WRAP53: variants seen among roughly 807,000 people sequenced by gnomAD.
The protein encoded by WRAP53 is WD repeat containing antisense to TP53, also known as telomerase Cajal body protein 1.
Under a neutral mutation model 56.6 loss-of-function variants are expected in WRAP53, and 28 were observed. The observed-to-expected ratio is 0.50, with a 90% CI of 0.37 to 0.68. The LOEUF is 0.68. Ranked by LOEUF, WRAP53 falls within the 30% of genes least tolerant of loss-of-function variation. The pLI, the probability that WRAP53 is intolerant of heterozygous loss-of-function variation, is 0.00. For synonymous variants in WRAP53, 283 were observed against 283.4 expected (o/e 1.00, Z 0.01); for missense variants, 671 against 715.5 (o/e 0.94, Z 0.71).
intron 4 of WRAP53, among the ~76,000 whole-genome samples, chr17:7,699,514 A>ATTTT (rs1157771198): frequency 4.0e-5 from 1 of 25,264 alleles, no homozygotes; most frequent in Non-Finnish European, 6.4e-5. Context: ...ATATATATAT[A>ATTTT]TATATATTTA....
chr17:7,689,385 G>C, intron 3 of WRAP53, 63 bp downstream of exon 3: 3 of 1,551,500 alleles, frequency 1.9e-6, no homozygotes, highest in South Asian at 1.1e-5. Context: ...AAACAGTCCA[G>C]TTTTCTAGGA....
Position 7,688,554 on chromosome 17 carries a change from A to C in WRAP53, c.-9A>C. The C allele has an allele frequency of 1.5e-6, 2 of 1,367,270 alleles. No individual in the cohort carries two copies. The highest frequency in any genetic ancestry group is 2.5e-5 in the South Asian group (2 of 79,746). 84.7% of individuals were successfully genotyped at this position (1,367,270 alleles called of 1,614,324 possible). A position where few individuals can be genotyped will look rare whatever the true frequency, so the allele number is the denominator to read the frequency against. On this transcript the variant is annotated 5_prime_UTR_variant, in exon 1 of 11. Coordinates refer to ENST00000396463, the MANE Select transcript of WRAP53 (RefSeq NM_001143992.2). ...TCTGCCTACTCCCAGAAGAGGAGGG[A>C]AGCACAGGTGGGTTTCTTTAGCTCT...
Position 7,702,929 on chromosome 17 carries a change from G to A in WRAP53, c.1269-64G>A. The A allele has an allele frequency of 6.2e-7, 1 of 1,612,788 alleles. No individual in the cohort carries two copies. Among genetic ancestry groups the A allele is most frequent in the Non-Finnish European group, 8.5e-7 (1 of 1,179,968 alleles). On this transcript the variant is annotated intron_variant, in intron 9 of 10. Transcript: ENST00000396463. This position sits in a 1 kb window ranked among gnomAD's most constrained non-coding sequence, Gnocchi z 5.0. ...CCCAGCTGTAGGGTCCCAGTCCCTG[G>A]GTGTGAGGGGTTCCTGCCCCAGGGG... is the stretch of plus-strand genomic sequence containing the variant.
intron 4 of WRAP53, among the ~76,000 whole-genome samples, chr17:7,699,526 A>ATATATATATATATT (rs2074246612): frequency 1.6e-5 from 1 of 61,966 alleles, no homozygotes; most frequent in Non-Finnish European, 3.0e-5. Flanking sequence ...ATATATTTAT[A>ATATATATATATATT]TATATATATA....
chr17:7,689,095 A>G lies in WRAP53; in HGVS notation c.431+16A>G. On this transcript the variant is annotated intron_variant, in intron 2 of 10. Coordinates refer to ENST00000396463, the MANE Select transcript of WRAP53 (RefSeq NM_001143992.2). ...AGGGAGACACGTAAGTGGTGATGGCAGTGGAGTGTGGAGTCTGGGGAGATG... is the reference window on the plus strand; with the variant it reads ...AGGGAGACACGTAAGTGGTGATGGCGGTGGAGTGTGGAGTCTGGGGAGATG... The G allele has an allele frequency of 6.2e-7, 1 of 1,614,118 alleles. No homozygotes were observed. The highest frequency in any genetic ancestry group is 1.1e-5 in the South Asian group (1 of 91,084).
chr17:7,688,931 G>A lies in WRAP53; in HGVS notation c.283G>A (p.Glu95Lys), dbSNP rs749106865. The change falls in exon 2 of 11, where the codon GAG (glutamate) becomes AAG (lysine). Residue 95 changes from glutamate (E) to lysine (K), a missense_variant. Glu to Lys is a moderately conservative substitution (Grantham distance 56, BLOSUM62 1). Around this residue, in one of 3 missense-constraint regions of WRAP53, gnomAD observed 406 missense variants for 418.5 expected, o/e 0.97. Coordinates refer to ENST00000396463, the MANE Select transcript of WRAP53 (RefSeq NM_001143992.2). Reference protein sequence around the residue: ...SPSELSPRIEEQELSENTSLP... With the variant: ...SPSELSPRIEKQELSENTSLP... ...TAGTGAGTTGAGTCCTCGAATCGAG[G>A]AGCAAGAACTTTCTGAAAATACAAG... 6.8e-6 allele frequency: 11 copies of A among 1,614,054 alleles called. No individual in the cohort carries two copies. The highest frequency in any genetic ancestry group is 1.3e-5 in the African/African-American group (1 of 74,914).
intron 4 of WRAP53, 117 bp from the exon 5 acceptor site, chr17:7,700,624 T>C (rs753269419): frequency 1.2e-5 from 9 of 774,104 alleles, no homozygotes; most frequent in Non-Finnish European, 1.9e-5. Context: ...CCCTTGAACA[T>C]TGAGACAGAG....
chr17:7,689,428 G>C, intron 3 of WRAP53, 106 bp downstream of exon 3: 1 of 1,322,298 alleles, frequency 7.6e-7, no homozygotes, highest in Non-Finnish European at 1.1e-6. Flanking sequence ...GAAGCGGCAC[G>C]TAGCCCTTTT....
In WRAP53 at chr17:7,689,338, G is replaced by T. The variant is rs764697968; in HGVS notation, c.530+16G>T. 4 of 1,612,566 alleles carry T rather than the reference G, an allele frequency of 2.5e-6. No homozygotes were observed. The highest frequency in any genetic ancestry group is 2.2e-5 in the South Asian group (2 of 91,010). ...GCTGTAAGTGGTAAGGATAACAACGGGGCAGGGAGCTGACCACCCCCGAGA... is the reference window on the plus strand; with the variant it reads ...GCTGTAAGTGGTAAGGATAACAACGTGGCAGGGAGCTGACCACCCCCGAGA... On this transcript the variant is annotated intron_variant, in intron 3 of 10. Transcript: ENST00000396463.
Position 7,701,517 on chromosome 17 carries a change from C to T in WRAP53, c.790C>T (p.Leu264Phe). 1 of 1,614,266 alleles carries T rather than the reference C, an allele frequency of 6.2e-7. No homozygotes were observed. The highest frequency in any genetic ancestry group is 8.5e-7 in the Non-Finnish European group (1 of 1,180,056). Residue 264 changes from leucine (L) to phenylalanine (F), a missense_variant, in exon 6 of 11, where the codon CTC becomes TTC. Around this residue, in one of 3 missense-constraint regions of WRAP53, gnomAD observed 406 missense variants for 418.5 expected, o/e 0.97. Coordinates refer to ENST00000396463, the MANE Select transcript of WRAP53 (RefSeq NM_001143992.2). The surrounding 1 kb of genome is among the most constrained non-coding windows in gnomAD (Gnocchi z 4.2). ...TATCTGGGACGCATTCACTGGAGAG[C>T]TCCGGGCTTCCTTTCGCGCCTACAA... ...IHIWDAFTGE[L>F]RASFRAYNHL...
intron 4 of WRAP53, among the ~76,000 whole-genome samples, chr17:7,690,146 G>A (rs535863541): frequency 5.3e-5 from 8 of 152,156 alleles, no homozygotes; most frequent in African/African-American, 4.8e-5. Flanking sequence ...ACGGGGTTTC[G>A]CCATGTTGGG....
rs564655517 is a variant in WRAP53, at chr17:7,697,039, G to A, written c.643-3702G>A. On this transcript the variant is annotated intron_variant, in intron 4 of 10. Transcript: ENST00000396463. ...TCTCACAAATCAGTAAGAAAAAGAC[G>A]GCTGGGCATGGTGGCTCATGCCTGT... Among the ~76,000 whole-genome samples the A allele has an allele frequency of 2.3e-4, 35 of 152,252 alleles. 1 individual carries two copies. The Middle Eastern group carries it at 0.01, about 44-fold the overall frequency.
chr17:7,699,146 G>A (rs1330732717), intron 4 of WRAP53, among the ~76,000 whole-genome samples: 4 of 151,204 alleles, frequency 2.6e-5, no homozygotes, highest in Admixed American at 6.6e-5. Flanking sequence ...TAGGCTGGGC[G>A]CAGTGGCTCA....
At chr17:7,687,695 A>G, upstream of WRAP53, 1 of 397,986 alleles carries the variant, frequency 2.5e-6, no homozygotes, top group Non-Finnish European at 4.4e-6. Context: ...TGCCGTAGAT[A>G]CTAACATTTT....
chr17:7,698,229 AC>A (rs749563286), intron 4 of WRAP53, among the ~76,000 whole-genome samples: 1 of 152,166 alleles, frequency 6.6e-6, no homozygotes, highest in African/African-American at 2.4e-5. Context: ...CTGTAGAGAA[AC>A]CCTTCTACAT....
Position 7,702,310 on chromosome 17 carries a change from G to T in WRAP53, c.956-34G>T, listed in dbSNP as rs1555530867. 1 of 1,612,280 alleles carries T rather than the reference G, an allele frequency of 6.2e-7. No homozygotes were observed. The highest frequency in any genetic ancestry group is 8.5e-7 in the Non-Finnish European group (1 of 1,178,382). ...AGCCTGGTTAGTGCCAGGAGCCATT[G>T]CCCCCTCCCCCACTTTGTTCCTTCC... On this transcript the variant is annotated intron_variant, in intron 7 of 10. Coordinates refer to ENST00000396463, the MANE Select transcript of WRAP53 (RefSeq NM_001143992.2). This position sits in a 1 kb window ranked among gnomAD's most constrained non-coding sequence, Gnocchi z 5.0.
In WRAP53 at chr17:7,689,212, T is replaced by A; in HGVS notation, c.432-12T>A. On this transcript the variant is annotated splice_polypyrimidine_tract_variant and intron_variant, in intron 2 of 10. Transcript: ENST00000396463. ...GGCGACCCAGGTTTATTGTCCCCCA[T>A]CTTCCTTTCAGCGCTTGGAACTACA... 1 of 1,613,856 alleles carries A rather than the reference T, an allele frequency of 6.2e-7. No individual in the cohort carries two copies. The highest frequency in any genetic ancestry group is 1.7e-5 in the Admixed American group (1 of 59,976).
chr17:7,689,087 G>A lies in WRAP53; in HGVS notation c.431+8G>A. On this transcript the variant is annotated splice_region_variant and intron_variant, in intron 2 of 10. Transcript: ENST00000396463. Reference sequence around the variant, plus strand: ...AGAGGACGAGGGAGACACGTAAGTGGTGATGGCAGTGGAGTGTGGAGTCTG... The same window carrying A: ...AGAGGACGAGGGAGACACGTAAGTGATGATGGCAGTGGAGTGTGGAGTCTG... The A allele has an allele frequency of 2.5e-6, 4 of 1,614,144 alleles. No individual in the cohort carries two copies. The highest frequency in any genetic ancestry group is 3.4e-6 in the Non-Finnish European group (4 of 1,180,002).
At chr17:7,694,085 C>T (rs1176377834) in intron 4 of WRAP53, among the ~76,000 whole-genome samples, 14 of 152,070 alleles carry the variant, frequency 9.2e-5, no homozygotes, top group Admixed American at 9.2e-4. Context: ...GAGTTCGAGA[C>T]CAGCCTGGCC....
Sources: allele counts gnomAD v4.1 joint callset (sites outside exome capture counted in the v4.1 genomes callset), GRCh38; gene constraint gnomAD v4.1.1; regional missense constraint gnomAD v4.1.1; non-coding constraint Gnocchi (gnomAD v3.1); transcripts MANE v1.5; gene names NCBI Gene and HGNC (gene_info 2026-07-23, HGNC 2026-07-21).